IGF2BP1: variants seen among roughly 807,000 people sequenced by gnomAD.
The protein encoded by IGF2BP1 is insulin-like growth factor 2 mRNA-binding protein 1.
Under a neutral mutation model 74.9 loss-of-function variants are expected in IGF2BP1, and 11 were observed. The observed-to-expected ratio is 0.15, with a 90% CI of 0.09 to 0.24. The LOEUF (loss-of-function observed/expected upper bound fraction) is 0.24. Among genes scored for constraint, IGF2BP1 ranks in the 10% least tolerant of loss-of-function variants. The pLI, the probability that IGF2BP1 is intolerant of heterozygous loss-of-function variation, is 1.00. For synonymous variants in IGF2BP1, 287 were observed against 281.8 expected, an observed-to-expected ratio of 1.02 and a Z score of -0.18; for missense variants, 440 against 757.4, an observed-to-expected ratio of 0.58 and a Z score of 4.92.
intron 2 of IGF2BP1, among the ~76,000 whole-genome samples, chr17:49,001,000 C>T (rs1329089527): frequency 1.3e-5 from 2 of 148,954 alleles, no homozygotes; most frequent in African/African-American, 2.5e-5. Context: ...TTCTCCCCTT[C>T]CTGAAATAAT....
chr17:49,046,551 G>C (rs953192086), intron 14 of IGF2BP1, among the ~76,000 whole-genome samples, 178 bp downstream of exon 14: 2 of 151,496 alleles, frequency 1.3e-5, no homozygotes, highest in African/African-American at 4.9e-5. Flanking sequence ...ATGTGTAGAT[G>C]ACATATTACC....
intron 2 of IGF2BP1, among the ~76,000 whole-genome samples, chr17:49,009,941 G>T (rs904291402): frequency 6.6e-6 from 1 of 151,930 alleles, no homozygotes; most frequent in African/African-American, 2.4e-5. Flanking sequence ...TTAGTCGGGC[G>T]TGGTGGCGTG....
intron 6 of IGF2BP1, among the ~76,000 whole-genome samples, chr17:49,039,112 G>A (rs1422637502): frequency 2.0e-5 from 3 of 152,140 alleles, no homozygotes; most frequent in African/African-American, 7.2e-5. Flanking sequence ...TCCTGACCTC[G>A]TGATCCGGCC....
At chr17:48,999,538 A>G (rs1416734217) in intron 2 of IGF2BP1, among the ~76,000 whole-genome samples, 2 of 152,052 alleles carry the variant, frequency 1.3e-5, no homozygotes, top group East Asian at 3.9e-4. Flanking sequence ...GATTTCTGCA[A>G]CTTCGTAGCA....
chr17:49,035,714 C>T lies in IGF2BP1; in HGVS notation c.402-2454C>T, dbSNP rs577528208. Reference sequence around the variant, plus strand: ...CCTGGGCGGCCGCCCATGCCATTTTCCGGGCTGCTCGCCTTCTAGAAGTTC... The same window carrying T: ...CCTGGGCGGCCGCCCATGCCATTTTTCGGGCTGCTCGCCTTCTAGAAGTTC... On this transcript the variant is annotated intron_variant, in intron 5 of 14. Coordinates refer to ENST00000290341, the MANE Select transcript of IGF2BP1 (RefSeq NM_006546.4). 4.6e-5 allele frequency among the ~76,000 whole-genome samples: 7 copies of T among 152,320 alleles called. No homozygotes were observed. The South Asian group carries it at 1.4e-3, about 32-fold the overall frequency.
intron 2 of IGF2BP1, among the ~76,000 whole-genome samples, chr17:49,021,035 CAG>C (rs1347422884): frequency 6.6e-6 from 1 of 150,882 alleles, no homozygotes; most frequent in East Asian, 1.9e-4. Context: ...CCCAGCTGCT[CAG>C]GGGGCTGAGG....
At chr17:49,036,331 G>A (rs1371800008) in intron 5 of IGF2BP1, 3 of 152,122 alleles carry the variant, frequency 2.0e-5, no homozygotes, top group Non-Finnish European at 2.9e-5. Context: ...GGAAGGAGAG[G>A]TAGCACAAAA....
At chr17:49,011,904 ATTT>A (rs68074534) in intron 2 of IGF2BP1, among the ~76,000 whole-genome samples, 3 of 124,626 alleles carry the variant, frequency 2.4e-5, no homozygotes. Flanking sequence ...AAGAAAATTG[ATTT>A]TTTTTTTTTT....
chr17:49,041,549 G>T (rs946702582), intron 8 of IGF2BP1, 49 bp downstream of exon 8: 2 of 1,609,838 alleles, frequency 1.2e-6, no homozygotes, highest in East Asian at 4.5e-5. Context: ...ATGCATGGGG[G>T]CCAGGGTCAG....
At position 48,997,772 on chromosome 17, in the gene IGF2BP1, C is replaced by G; in HGVS notation, c.27C>G (p.Leu9=). Residue 9 remains leucine (L), a synonymous_variant, in exon 1 of 15, where the codon CTC becomes CTG. Coordinates refer to ENST00000290341, the MANE Select transcript of IGF2BP1 (RefSeq NM_006546.4). This position sits in a 1 kb window ranked among gnomAD's most constrained non-coding sequence, Gnocchi z 4.8. ...TGAACAAGCTTTACATCGGCAACCTCAACGAGAGCGTGACCCCCGCGGACT... is the reference window on the plus strand; with the variant it reads ...TGAACAAGCTTTACATCGGCAACCTGAACGAGAGCGTGACCCCCGCGGACT... The part of the protein sequence containing the change: MNKLYIGN[L]NESVTPADLE... 6.2e-7 allele frequency: 1 copy of G among 1,614,044 alleles called. No homozygotes were observed. Among genetic ancestry groups the G allele is most frequent in the Non-Finnish European group, 8.5e-7 (1 of 1,179,964 alleles).
chr17:48,999,706 TTCCATGGACCC>T (rs1382504369), intron 2 of IGF2BP1, among the ~76,000 whole-genome samples: 1 of 151,832 alleles, frequency 6.6e-6, no homozygotes, highest in African/African-American at 2.4e-5. Context: ...ACTTTTTATT[TTCCATGGACCC>T]CCCACCCCCA....
At chr17:49,043,074 C>T (rs1434230287) in intron 9 of IGF2BP1, among the ~76,000 whole-genome samples, 1 of 152,078 alleles carries the variant, frequency 6.6e-6, no homozygotes, top group Non-Finnish European at 1.5e-5. Flanking sequence ...GCTCTGTCTC[C>T]ACGCCTTTTT....
At chr17:49,028,403 C>CT (rs1214278363) in intron 4 of IGF2BP1, among the ~76,000 whole-genome samples, 3 of 152,188 alleles carry the variant, frequency 2.0e-5, no homozygotes, top group African/African-American at 7.2e-5. Flanking sequence ...ACTGCTGAAT[C>CT]TATCAAACAC....
intron 2 of IGF2BP1, among the ~76,000 whole-genome samples, chr17:49,019,920 A>G (rs1455460729): frequency 2.9e-4 from 16 of 54,728 alleles, no homozygotes; most frequent in African/African-American, 1.8e-3. Context: ...ATATATATAT[A>G]TATATATATA....
chr17:49,005,680 C>G (rs1213930161), intron 2 of IGF2BP1, among the ~76,000 whole-genome samples: 1 of 152,144 alleles, frequency 6.6e-6, no homozygotes, highest in Non-Finnish European at 1.5e-5. Context: ...TCTAGTCAAT[C>G]CTCTCTACAT....
chr17:49,017,225 C>A (rs1027111779), intron 2 of IGF2BP1, among the ~76,000 whole-genome samples: 2 of 152,078 alleles, frequency 1.3e-5, no homozygotes, highest in Non-Finnish European at 2.9e-5. Context: ...CTGAAGGGGT[C>A]CAGTGAGCAG....
intron 2 of IGF2BP1, among the ~76,000 whole-genome samples, chr17:49,006,806 G>A (rs2041556026): frequency 6.6e-6 from 1 of 152,218 alleles, no homozygotes; most frequent in Non-Finnish European, 1.5e-5. Flanking sequence ...TTAGTGGAGA[G>A]AGATGAAGCT....
At chr17:49,008,640 G>A (rs574555425) in intron 2 of IGF2BP1, among the ~76,000 whole-genome samples, 8 of 152,280 alleles carry the variant, frequency 5.3e-5, no homozygotes, top group Non-Finnish European at 1.2e-4. Context: ...AAAGAGGAAT[G>A]CTGTCTGTCT....
At chr17:49,009,616 G>A (rs1567810661) in intron 2 of IGF2BP1, among the ~76,000 whole-genome samples, 1 of 151,968 alleles carries the variant, frequency 6.6e-6, no homozygotes. Flanking sequence ...GGCTGAGGCA[G>A]GAGAATCTCT....
Sources: gnomAD v4.1 joint callset for allele counts (sites outside exome capture counted in the v4.1 genomes callset) on GRCh38, gnomAD v4.1.1 for gene constraint, Gnocchi (gnomAD v3.1) non-coding constraint, MANE v1.5 for transcripts, NCBI Gene and HGNC (gene_info 2026-07-23, HGNC 2026-07-21) for gene names.